Variants in DEPDC4 observed in about 807,000 individuals in gnomAD.
DEPDC4 encodes the protein DEP domain containing 4.
DEPDC4 carries 52 observed loss-of-function variants against 52.0 expected under a neutral mutation model. That is an observed-to-expected ratio of 1.00 (90% CI 0.80 to 1.26). The LOEUF is 1.26. DEPDC4 is among the 50% of genes most tolerant of loss of function. The probability of loss-of-function intolerance (pLI) is 0.00; values close to 1 mark genes in which losing one functional copy is unlikely to be tolerated. For synonymous variants in DEPDC4, 201 were observed against 196.8 expected (o/e 1.02, Z -0.18); for missense variants, 530 against 546.9 (o/e 0.97, Z 0.31).
downstream of DEPDC4, among the ~76,000 whole-genome samples, chr12:100,236,705 C>A (rs899622563): frequency 6.6e-6 from 1 of 152,040 alleles, no homozygotes; most frequent in African/African-American, 2.4e-5. Context: ...ACCTATTTAT[C>A]TTTGTTTTTA....
In DEPDC4 at chr12:100,262,247, T is replaced by C. The variant is rs373862731; in HGVS notation, c.700+17A>G. The stretch of plus-strand genomic sequence containing the variant: ...TCTTCCTTACCATGTTCTGAAAAAA[T>C]AATGAAAACAAATTACCTTCTTTTG... On this transcript the variant is annotated intron_variant, in intron 3 of 9. Coordinates refer to ENST00000550587, the MANE Select transcript of DEPDC4 (RefSeq NM_001364818.2). 3.9e-5 allele frequency: 62 copies of C among 1,595,854 alleles called. No homozygotes were observed. The highest frequency in any genetic ancestry group is 1.7e-4 in the Middle Eastern group (1 of 5,990).
downstream of DEPDC4, among the ~76,000 whole-genome samples, chr12:100,235,903 T>C (rs544761576): frequency 6.7e-4 from 102 of 152,296 alleles, no homozygotes; most frequent in Non-Finnish European, 1.1e-3. Context: ...CTTTGCATTC[T>C]CATAGCTTAG....
At position 100,262,341 on chromosome 12, in the gene DEPDC4, A is replaced by G. The variant is rs751025076; in HGVS notation, c.623T>C (p.Ile208Thr). The G allele has an allele frequency of 1.2e-6, 2 of 1,613,574 alleles. No individual in the cohort carries two copies. Among genetic ancestry groups the G allele is most frequent in the Non-Finnish European group, 1.7e-6 (2 of 1,179,762 alleles). Residue 208 changes from isoleucine to threonine, a missense_variant, in exon 3 of 10, where the codon ATT becomes ACT. Ile to Thr is a moderately conservative substitution (Grantham distance 89, BLOSUM62 -1). Coordinates refer to ENST00000550587, the MANE Select transcript of DEPDC4 (RefSeq NM_001364818.2). ...AGCTGGATTCCCATTTATTGTATGA[A>G]TAAGTTCCTCAATTCTTTCCTCACC... ...EIGEERIEELIHTINGNPALC... is the reference protein window; with the variant it reads ...EIGEERIEELTHTINGNPALC...
the DEPDC4 span, among the ~76,000 whole-genome samples, chr12:100,273,779 G>A: frequency 2.0e-5 from 3 of 152,098 alleles, no homozygotes; most frequent in Admixed American, 1.3e-4. Context: ...TATTTCCATA[G>A]CATGTACATT....
In DEPDC4 at chr12:100,253,928, A is replaced by G. The variant is rs1260014648; in HGVS notation, c.879-213T>C. ...GCTGTATTCCTTACTGAATACCACC[A>G]CACCTTTATGGACTTTTATTTTCAA... On this transcript the variant is annotated intron_variant, in intron 4 of 9. Transcript: ENST00000550587. Among the ~76,000 whole-genome samples, 3 of 152,210 alleles carry G rather than the reference A, an allele frequency of 2.0e-5. No homozygotes were observed. The East Asian group carries it at 5.8e-4, about 29-fold the overall frequency.
chr12:100,264,332 A>C (rs1049161523), intron 1 of DEPDC4, among the ~76,000 whole-genome samples: 2 of 152,148 alleles, frequency 1.3e-5, no homozygotes, highest in Non-Finnish European at 2.9e-5. Context: ...TAGGGAGATC[A>C]AGGCAAAGAA....
upstream of DEPDC4, among the ~76,000 whole-genome samples, chr12:100,271,715 AT>A (rs2135788859): frequency 6.6e-6 from 1 of 152,300 alleles, no homozygotes; most frequent in East Asian, 1.9e-4. Context: ...TTTTATTTGC[AT>A]TGCAGTGACT....
At chr12:100,248,781 T>G (rs2096196156) in intron 8 of DEPDC4, 119 bp downstream of exon 8, 1 of 306,164 alleles carries the variant, frequency 3.3e-6, no homozygotes, top group Non-Finnish European at 4.8e-6. Context: ...AACCTTCCTG[T>G]AACCACTTTT....
At chr12:100,269,000 C>T (rs563033890), upstream of DEPDC4, among the ~76,000 whole-genome samples, 1 of 152,314 alleles carries the variant, frequency 6.6e-6, no homozygotes, top group South Asian at 2.1e-4. Flanking sequence ...CTGACTACTT[C>T]CGTAGCCTCC....
At chr12:100,264,343 C>T (rs1397235170) in intron 1 of DEPDC4, among the ~76,000 whole-genome samples, 2 of 152,056 alleles carry the variant, frequency 1.3e-5, no homozygotes, top group African/African-American at 4.8e-5. Context: ...AGGCAAAGAA[C>T]TAAATAATCA....
intron 9 of DEPDC4, 100 bp downstream of exon 9, chr12:100,242,386 G>A (rs2096163298): frequency 6.9e-6 from 1 of 144,712 alleles, no homozygotes; most frequent in Non-Finnish European, 1.5e-5. Context: ...GAAATAGCCT[G>A]GAATTACACT....
chr12:100,262,606 A>G (rs1172849165), intron 2 of DEPDC4, among the ~76,000 whole-genome samples, 197 bp from the exon 3 acceptor site: 1 of 152,232 alleles, frequency 6.6e-6, no homozygotes, highest in African/African-American at 2.4e-5. Context: ...TTCTAAATAA[A>G]GAAGAAAAGC....
intron 2 of DEPDC4, among the ~76,000 whole-genome samples, chr12:100,263,222 G>A (rs904764967): frequency 3.9e-5 from 6 of 152,098 alleles, no homozygotes; most frequent in Non-Finnish European, 7.4e-5. Context: ...TTGCCTCAGC[G>A]TGGGCCACCC....
At chr12:100,237,792 T>C (rs1344003338), downstream of DEPDC4, 1 of 152,232 alleles carries the variant, frequency 6.6e-6, no homozygotes, top group Non-Finnish European at 1.5e-5. Flanking sequence ...ATCTTAAAAA[T>C]ACAAATCTGT....
At chr12:100,257,381 T>TTTTA (rs552577576) in intron 3 of DEPDC4, among the ~76,000 whole-genome samples, 1 of 151,530 alleles carries the variant, frequency 6.6e-6, no homozygotes, top group African/African-American at 2.4e-5. Context: ...CCCAGCCTGT[T>TTTTA]TTTATTTATT....
At chr12:100,264,887 G>T (rs2096266086) in intron 1 of DEPDC4, among the ~76,000 whole-genome samples, 1 of 151,634 alleles carries the variant, frequency 6.6e-6, no homozygotes, top group African/African-American at 2.4e-5. Flanking sequence ...ATTGCATAAT[G>T]AAAAAAAATT....
chr12:100,249,315 T>A (rs1370642298), intron 7 of DEPDC4, among the ~76,000 whole-genome samples: 2 of 152,170 alleles, frequency 1.3e-5, no homozygotes, highest in East Asian at 3.8e-4. Context: ...AGTCCATATG[T>A]AAATAGTAGC....
At chr12:100,242,387 G>A (rs946386113) in intron 9 of DEPDC4, 99 bp downstream of exon 9, 1 of 150,062 alleles carries the variant, frequency 6.7e-6, no homozygotes, top group African/African-American at 2.5e-5. Flanking sequence ...AAATAGCCTG[G>A]AATTACACTG....
chr12:100,233,448 A>G (rs1348647171), intron 9 of DEPDC4, among the ~76,000 whole-genome samples: 4 of 152,228 alleles, frequency 2.6e-5, no homozygotes, highest in African/African-American at 7.2e-5. Flanking sequence ...TTCAGATGCC[A>G]TAATAAAATA....
Sources: allele counts gnomAD v4.1 joint callset (sites outside exome capture counted in the v4.1 genomes callset), GRCh38; gene constraint gnomAD v4.1.1; transcripts MANE v1.5; gene names NCBI Gene and HGNC (gene_info 2026-07-23, HGNC 2026-07-21).